OPN3: variants seen among roughly 807,000 people sequenced by gnomAD.
OPN3 encodes the protein opsin-3.
OPN3 carries 29 observed loss-of-function variants against 33.8 expected under a neutral mutation model. That is an observed-to-expected ratio of 0.86 (90% CI 0.64 to 1.17). The LOEUF is 1.17. Ranked by LOEUF, OPN3 falls within the 50% of genes most tolerant of loss-of-function variation. OPN3 has a pLI of 0.00. For missense variants in OPN3, 437 were observed against 514.1 expected (o/e 0.85, Z 1.45); for synonymous variants, 216 against 216.1 (o/e 1.00, Z 0.00).
At chr1:241,623,099 CAAAA>C (rs11448132) in intron 1 of OPN3, among the ~76,000 whole-genome samples, 2 of 151,182 alleles carry the variant, frequency 1.3e-5, no homozygotes, top group African/African-American at 4.9e-5. Flanking sequence ...AAACAAAAAA[CAAAA>C]AAAACAAACA....
At chr1:241,609,427 C>G (rs1009698794) in intron 1 of OPN3, among the ~76,000 whole-genome samples, 2 of 152,222 alleles carry the variant, frequency 1.3e-5, no homozygotes, top group African/African-American at 4.8e-5. Context: ...AGGGTGACTT[C>G]TACCTCTCCA....
At chr1:241,598,721 C>A (rs185376742) in intron 2 of OPN3, among the ~76,000 whole-genome samples, 20 of 152,264 alleles carry the variant, frequency 1.3e-4, no homozygotes, top group Non-Finnish European at 2.9e-5. Flanking sequence ...GAATATGTTT[C>A]TTTTTGCTGT....
chr1:241,617,516 T>A (rs1445039567), intron 1 of OPN3, among the ~76,000 whole-genome samples: 1 of 152,224 alleles, frequency 6.6e-6, no homozygotes, highest in Non-Finnish European at 1.5e-5. Context: ...TTCCATCATT[T>A]ATAATTTACA....
chr1:241,615,088 A>G (rs1664091301), intron 1 of OPN3, among the ~76,000 whole-genome samples: 1 of 152,168 alleles, frequency 6.6e-6, no homozygotes, highest in Non-Finnish European at 1.5e-5. Flanking sequence ...AGAAATATCC[A>G]GTATGACCAG....
At chr1:241,618,659 G>A (rs1172201695) in intron 1 of OPN3, among the ~76,000 whole-genome samples, 1 of 152,116 alleles carries the variant, frequency 6.6e-6, no homozygotes, top group Non-Finnish European at 1.5e-5. Context: ...GGTCCGTGCT[G>A]ACCTCCATCG....
rs142384042 is a variant in OPN3, at chr1:241,628,173, T to C, written c.373+11709A>G. 9.7e-3 allele frequency among the ~76,000 whole-genome samples: 1,479 copies of C among 152,300 alleles called. 22 individuals are homozygous for C. The highest frequency in any genetic ancestry group is 0.033 in the African/African-American group (1,382 of 41,548). ...ATGCCGTGCACAAGGCAGAGACTTC[T>C]GTTTTGTTTTTTCTTTTGCCAGGAA... is the stretch of plus-strand genomic sequence containing the variant. On this transcript the variant is annotated intron_variant, in intron 1 of 3. Coordinates refer to ENST00000366554, the MANE Select transcript of OPN3 (RefSeq NM_014322.3).
chr1:241,632,547 C>T (rs374757763), intron 1 of OPN3: 19 of 152,042 alleles, frequency 1.2e-4, no homozygotes, highest in African/African-American at 4.3e-4. Context: ...TCTGACAGCT[C>T]CACAGGTTTT....
intron 2 of OPN3, among the ~76,000 whole-genome samples, chr1:241,598,875 T>C (rs1210863499): frequency 6.6e-6 from 1 of 152,196 alleles, no homozygotes; most frequent in Non-Finnish European, 1.5e-5. Flanking sequence ...ACAAATACTC[T>C]ATATATTGAT....
At chr1:241,626,346 G>A (rs1664418130) in intron 1 of OPN3, among the ~76,000 whole-genome samples, 1 of 152,018 alleles carries the variant, frequency 6.6e-6, no homozygotes, top group African/African-American at 2.4e-5. Flanking sequence ...GAATGCAGAG[G>A]TACCATACAC....
In OPN3 at chr1:241,606,546, A is replaced by AAAATAAATAAAT. The variant is rs10677298; in HGVS notation, c.374-1979_374-1968dup. On this transcript the variant is annotated intron_variant, in intron 1 of 3. Coordinates refer to ENST00000366554, the MANE Select transcript of OPN3 (RefSeq NM_014322.3). ...GGCAACAAGAGTGAGACTCTGATTC[A>AAAATAAATAAAT]AAATAAATAAATAAATAAATAAATA... Among the ~76,000 whole-genome samples, 704 of 142,058 alleles carry AAAATAAATAAAT rather than the reference A, an allele frequency of 5.0e-3. 2 individuals are homozygous for AAAATAAATAAAT. Among genetic ancestry groups the AAAATAAATAAAT allele is most frequent in the East Asian group, 8.1e-3 (39 of 4,836 alleles). 93.2% of individuals were successfully genotyped at this position (142,058 alleles called of 152,430 possible). A position where few individuals can be genotyped will look rare whatever the true frequency, so the allele number is the denominator to read the frequency against.
At chr1:241,638,763 C>T (rs1474155561) in intron 1 of OPN3, among the ~76,000 whole-genome samples, 2 of 152,022 alleles carry the variant, frequency 1.3e-5, no homozygotes, top group Non-Finnish European at 2.9e-5. Context: ...TCCTTCAAAA[C>T]GCCAAAAAAT....
At chr1:241,636,903 A>C (rs12141288) in intron 1 of OPN3, among the ~76,000 whole-genome samples, 12,600 of 152,092 alleles carry the variant, frequency 0.083, 595 homozygotes, top group African/African-American at 0.12. Flanking sequence ...GTCTATCTAA[A>C]CATCCTCTGC....
intron 1 of OPN3, among the ~76,000 whole-genome samples, chr1:241,624,213 C>A (rs1664348474): frequency 8.2e-6 from 1 of 122,220 alleles, no homozygotes; most frequent in Admixed American, 7.6e-5. Flanking sequence ...GCTCCAGACA[C>A]TGTGGACCCT....
intron 1 of OPN3, among the ~76,000 whole-genome samples, chr1:241,610,529 C>T (rs1663962548): frequency 6.6e-6 from 1 of 152,174 alleles, no homozygotes; most frequent in Admixed American, 6.5e-5. Context: ...ATTTAAATGT[C>T]TACTCTGTGC....
intron 1 of OPN3, among the ~76,000 whole-genome samples, chr1:241,606,804 G>C (rs1663843488): frequency 6.6e-6 from 1 of 152,186 alleles, no homozygotes; most frequent in African/African-American, 2.4e-5. Flanking sequence ...GGTCTCCTGA[G>C]AAGTAAGGGA....
At chr1:241,627,282 C>G (rs1422822596) in intron 1 of OPN3, among the ~76,000 whole-genome samples, 1 of 138,980 alleles carries the variant, frequency 7.2e-6, no homozygotes, top group Non-Finnish European at 1.6e-5. Flanking sequence ...TGTTGAAAAG[C>G]CAATCTAAAG....
chr1:241,598,002 A>G lies in OPN3; in HGVS notation c.694-5T>C, dbSNP rs1425973109. 1.2e-6 allele frequency: 2 copies of G among 1,610,532 alleles called. No individual in the cohort carries two copies. The highest frequency in any genetic ancestry group is 1.7e-6 in the Non-Finnish European group (2 of 1,178,872). ...AAGATCTTCCACACAACGAAGCTGC[A>G]GAAAGGAGAAAGAAAGGAAAGGGCT... On this transcript the variant is annotated splice_region_variant and splice_polypyrimidine_tract_variant and intron_variant, in intron 2 of 3. Transcript: ENST00000366554.
At chr1:241,614,116 C>T (rs1185078486) in intron 1 of OPN3, 3 of 151,972 alleles carry the variant, frequency 2.0e-5, no homozygotes, top group East Asian at 3.9e-4. Flanking sequence ...TGCAGTCAGC[C>T]GAGATCATGC....
chr1:241,593,664 A>G lies in OPN3; in HGVS notation c.*764T>C, dbSNP rs1324440920. 1 of 173,852 alleles carries G rather than the reference A, an allele frequency of 5.8e-6. No individual in the cohort carries two copies. The highest frequency in any genetic ancestry group is 1.3e-5 in the Non-Finnish European group (1 of 79,292). 10.8% of individuals were successfully genotyped at this position (173,852 alleles called of 1,614,324 possible). ...TATATGTAATATATATGTGGGAAAT[A>G]CAGGGGAATGAGCAAATCTCAAAGA... On this transcript the variant is annotated 3_prime_UTR_variant, in exon 4 of 4. Coordinates refer to ENST00000366554, the MANE Select transcript of OPN3 (RefSeq NM_014322.3).
Sources: gnomAD v4.1 joint callset for allele counts (sites outside exome capture counted in the v4.1 genomes callset) on GRCh38, gnomAD v4.1.1 for gene constraint, MANE v1.5 for transcripts, NCBI Gene and HGNC (gene_info 2026-07-23, HGNC 2026-07-21) for gene names.